IRF7: variants seen among roughly 807,000 people sequenced by gnomAD.
IRF7 encodes the protein interferon regulatory factor-7H.
A neutral mutation model predicts 51.3 loss-of-function variants in IRF7; 67 were observed. The observed-to-expected ratio is 1.31, with a 90% CI of 1.07 to 1.60. The LOEUF (loss-of-function observed/expected upper bound fraction) is 1.60, where lower values mean the gene tolerates loss of function less well. IRF7 is among the 40% of genes most tolerant of loss of function. The pLI is 0.00. For missense variants in IRF7, 873 were observed against 701.5 expected, an observed-to-expected ratio of 1.24 and a Z score of -2.76; for synonymous variants, 427 against 301.3, an observed-to-expected ratio of 1.42 and a Z score of -4.32.
rs770183976 is a variant in IRF7 at position 614,267 on chromosome 11, GATGGT to G, written c.581_585del (p.Asp194AlafsTer206). On this transcript the variant is annotated frameshift_variant, in exon 6 of 11. Coordinates refer to ENST00000525445, the MANE Select transcript of IRF7 (RefSeq NM_001572.5). LOFTEE classifies it high-confidence loss of function. ...TCTGCCCCCCATGACGCTGTCAGCA[GATGGT>G]CTGCCAGGCAGCTCTGTTGCACTGC... is the stretch of plus-strand genomic sequence containing the variant. 3.7e-6 allele frequency: 6 copies of G among 1,612,540 alleles called. No homozygotes were observed. The highest frequency in any genetic ancestry group is 5.1e-6 in the Non-Finnish European group (6 of 1,179,800).
Position 613,992 on chromosome 11 carries a change from G to A in IRF7, c.725C>T (p.Thr242Met), listed in dbSNP as rs775381446. The A allele has an allele frequency of 6.2e-6, 10 of 1,608,422 alleles. No homozygotes were observed. The Admixed American group carries it at 6.8e-5, about 11-fold the overall frequency. The change falls in exon 7 of 11, where the codon ACG (threonine) becomes ATG (methionine). Residue 242 changes from threonine to methionine, a missense_variant. Coordinates refer to ENST00000525445, the MANE Select transcript of IRF7 (RefSeq NM_001572.5). Reference protein sequence around the residue: ...AGELYGWAVETTPSPGPQPAA... With the variant: ...AGELYGWAVEMTPSPGPQPAA... Reference sequence around the variant, plus strand: ...GGGCTGGGGCCCGGGGCTGGGGGTCGTCTCTACTGCCCACCCGTACAGCTC... The same window carrying A: ...GGGCTGGGGCCCGGGGCTGGGGGTCATCTCTACTGCCCACCCGTACAGCTC...
rs1425489891 is a variant in IRF7, at chr11:613,186, C to T, written c.1237+20G>A. The T allele has an allele frequency of 1.3e-6, 2 of 1,593,136 alleles. No individual in the cohort carries two copies. Among genetic ancestry groups the T allele is most frequent in the South Asian group, 2.2e-5 (2 of 89,670 alleles). On this transcript the variant is annotated intron_variant, in intron 9 of 10. Transcript: ENST00000525445. Reference sequence around the variant, plus strand: ...CCAAGGACCCCTGGAGACAGCCCCCCAGGCAAGGGCCTCACTGACCTTGGA... The same window carrying T: ...CCAAGGACCCCTGGAGACAGCCCCCTAGGCAAGGGCCTCACTGACCTTGGA...
chr11:614,371 T>A lies in IRF7; in HGVS notation c.482A>T (p.His161Leu). 3 of 1,608,656 alleles carry A rather than the reference T, an allele frequency of 1.9e-6. No homozygotes were observed. Among genetic ancestry groups the A allele is most frequent in the Non-Finnish European group, 1.7e-6 (2 of 1,178,372 alleles). The change falls in exon 6 of 11, where the codon CAC (histidine) becomes CTC (leucine). Residue 161 changes from histidine (H) to leucine (L), a missense_variant. By Grantham distance (99) the His-to-Leu change is moderately conservative (BLOSUM62 -3). Transcript: ENST00000525445. ...TGGGGCTTGGAGTCCAGCATGTGTG[T>A]GTGCCAGGAATGGCCCTGGGGGCCC... Reference protein sequence around the residue: ...QGGPPGPFLAHTHAGLQAPGP... With the variant: ...QGGPPGPFLALTHAGLQAPGP...
intron 8 of IRF7, 68 bp downstream of exon 8, chr11:613,697 ACAGGATGTGAGTGATGGGTG>A: frequency 5.3e-6 from 3 of 565,046 alleles, no homozygotes; most frequent in Non-Finnish European, 7.1e-6. Context: ...GTGGGCGGGG[ACAGGATGTGAGTGATGGGTG>A]GGCGGGGACA....
rs774085368 is a variant in IRF7 at position 615,499 on chromosome 11, TGAGGGCTTGTAG to T, written c.-147_-136del. 5.9e-3 allele frequency: 6,126 copies of T among 1,030,584 alleles called. 45 individuals carry two copies. The highest frequency in any genetic ancestry group is 0.018 in the Middle Eastern group (61 of 3,424). 63.8% of individuals were successfully genotyped at this position (1,030,584 alleles called of 1,614,324 possible). A position where few individuals can be genotyped will look rare whatever the true frequency, so the allele number is the denominator to read the frequency against. ...GTCACAGGTGTCCACAGGTGTGGACTGAGGGCTTGTAGCCACCGACGCTGCCTCGGTATGGAT... is the reference window on the plus strand; with the variant it reads ...GTCACAGGTGTCCACAGGTGTGGACTCCACCGACGCTGCCTCGGTATGGAT... On this transcript the variant is annotated 5_prime_UTR_variant, in exon 2 of 11. Transcript: ENST00000525445.
Position 612,758 on chromosome 11 carries a change from G to A in IRF7, c.1399C>T (p.Arg467Cys), listed in dbSNP as rs1437685846. The change falls in exon 11 of 11, where the codon CGT becomes TGT. Residue 467 changes from arginine to cysteine, a missense_variant. By Grantham distance (180) the Arg-to-Cys change is radical. Transcript: ENST00000525445. ...LCRVHLEGTQ[R>C]EGVSSLDSSS... The stretch of plus-strand genomic sequence containing the variant: ...CTATCCAGGGAAGACACACCCTCAC[G>A]CTGCGTGCCCTCTAGGTGCACTCGG... 7 of 1,612,028 alleles carry A rather than the reference G, an allele frequency of 4.3e-6. No individual in the cohort carries two copies. Among genetic ancestry groups the A allele is most frequent in the African/African-American group, 1.3e-5 (1 of 74,910 alleles).
rs1245462194 is a variant in IRF7 at position 613,326 on chromosome 11, T to C, written c.1117A>G (p.Lys373Glu). 1 of 1,611,642 alleles carries C rather than the reference T, an allele frequency of 6.2e-7. No homozygotes were observed. Among genetic ancestry groups the C allele is most frequent in the Non-Finnish European group, 8.5e-7 (1 of 1,179,598 alleles). Residue 373 changes from lysine to glutamate, a missense_variant, in exon 9 of 11, where the codon AAG becomes GAG. Transcript: ENST00000525445. ...CCCACCTCCCAGTACACCTTGCACTTGCCCATGCGCCGGGCCCACAGCTGT... is the reference window on the plus strand; with the variant it reads ...CCCACCTCCCAGTACACCTTGCACTCGCCCATGCGCCGGGCCCACAGCTGT... Reference protein sequence around the residue: ...GPQLWARRMGKCKVYWEVGGP... With the variant: ...GPQLWARRMGECKVYWEVGGP...
rs777045773 is a variant in IRF7, at chr11:614,940, T to G, written c.251A>C (p.Glu84Ala). Residue 84 changes from glutamate to alanine, a missense_variant, in exon 4 of 11, where the codon GAG (glutamate) becomes GCG (alanine). Transcript: ENST00000525445. ...TTTCCAGCCGGCGCGCTCCGCAGTC[T>G]CAGCCTCGGGGGGCGGGCCACCTCC... ...SRGGGPPPEA[E>A]TAERAGWKTN... 5.3e-5 allele frequency: 84 copies of G among 1,576,410 alleles called. No homozygotes were observed. Among genetic ancestry groups the G allele is most frequent in the African/African-American group, 1.3e-5 (1 of 74,122 alleles).
rs549942229 is a variant in IRF7 at position 613,270 on chromosome 11, G to C, written c.1173C>G (p.Thr391=). The C allele has an allele frequency of 3.7e-6, 6 of 1,604,784 alleles. No individual in the cohort carries two copies. Among genetic ancestry groups the C allele is most frequent in the Non-Finnish European group, 5.1e-6 (6 of 1,176,302 alleles). ...AGTTCCGAGGCAGCAGGCAGGCTGG[G>C]GTGGAGGGGCTGGCGGAGCCTGGGG... is the stretch of plus-strand genomic sequence containing the variant. ...GGPPGSASPS[T]PACLLPRNCD... Residue 391 remains threonine (T), a synonymous_variant, in exon 9 of 11, where the codon ACC becomes ACG. Coordinates refer to ENST00000525445, the MANE Select transcript of IRF7 (RefSeq NM_001572.5).
chr11:613,170 C>T (rs1203252698), intron 9 of IRF7, 36 bp downstream of exon 9: 2 of 1,597,856 alleles, frequency 1.3e-6, no homozygotes, highest in Non-Finnish European at 1.7e-6. Flanking sequence ...CCCAAGGACC[C>T]CTGGAGACAG....
At position 614,938 on chromosome 11, in the gene IRF7, T is replaced by C; in HGVS notation, c.253A>G (p.Thr85Ala). Reference protein sequence around the residue: ...RGGGPPPEAETAERAGWKTNF... With the variant: ...RGGGPPPEAEAAERAGWKTNF... ...GTTTTCCAGCCGGCGCGCTCCGCAG[T>C]CTCAGCCTCGGGGGGCGGGCCACCT... The change falls in exon 4 of 11, where the codon ACT becomes GCT. Residue 85 changes from threonine to alanine, a missense_variant. Thr to Ala is a moderately conservative substitution (Grantham distance 58, BLOSUM62 0). Transcript: ENST00000525445. The C allele has an allele frequency of 6.3e-7, 1 of 1,577,880 alleles. No individual in the cohort carries two copies. Among genetic ancestry groups the C allele is most frequent in the Non-Finnish European group, 8.6e-7 (1 of 1,164,394 alleles).
At chr11:613,730 C>CCG in intron 8 of IRF7, 55 bp downstream of exon 8, 1 of 1,143,816 alleles carries the variant, frequency 8.7e-7, no homozygotes, top group Non-Finnish European at 1.1e-6. Flanking sequence ...CGGGGACAAG[C>CCG]CGTGAGTGAC....
rs1856490340 is a variant in IRF7, at chr11:612,593, C to A, written c.*52G>T. 31 of 1,599,152 alleles carry A rather than the reference C, an allele frequency of 1.9e-5. No homozygotes were observed. Among genetic ancestry groups the A allele is most frequent in the Non-Finnish European group, 2.6e-5 (30 of 1,172,166 alleles). On this transcript the variant is annotated 3_prime_UTR_variant, in exon 11 of 11. Transcript: ENST00000525445. The stretch of plus-strand genomic sequence containing the variant: ...TTTTTATTAGACTGGGCGGCCGCGG[C>A]CAGCTCTAGGTGGGCTGCTCCAGCT...
intron 4 of IRF7, 70 bp downstream of exon 4, chr11:614,727 G>C: frequency 1.4e-6 from 2 of 1,472,930 alleles, no homozygotes; most frequent in Non-Finnish European, 1.8e-6. Flanking sequence ...CCACAAATCT[G>C]ACCCAGAGAA....
intron 3 of IRF7, 42 bp from the exon 4 acceptor site, chr11:615,049 C>T (rs753652989): frequency 1.9e-6 from 3 of 1,555,826 alleles, no homozygotes; most frequent in Non-Finnish European, 2.6e-6. Flanking sequence ...CCCGCGGGGT[C>T]CTAGGCGGGC....
At position 613,872 on chromosome 11, in the gene IRF7, C is replaced by T; in HGVS notation, c.767-7G>A. 1 of 1,598,950 alleles carries T rather than the reference C, an allele frequency of 6.3e-7. No individual in the cohort carries two copies. The highest frequency in any genetic ancestry group is 8.5e-7 in the Non-Finnish European group (1 of 1,173,932). On this transcript the variant is annotated splice_region_variant and splice_polypyrimidine_tract_variant and intron_variant, in intron 7 of 10. Transcript: ENST00000525445. ...TCTGGGGCCGCGGCCTCGCCTGCAT[C>T]CGGAAGGGAATCCTGTGCTGGCACC...
At chr11:615,304 C>T in intron 2 of IRF7, 41 bp downstream of exon 2, 1 of 1,570,988 alleles carries the variant, frequency 6.4e-7, no homozygotes, top group South Asian at 1.1e-5. Flanking sequence ...CTGCAGGGCG[C>T]TCGGGGACTG....
At position 614,341 on chromosome 11, in the gene IRF7, G is replaced by C; in HGVS notation, c.512C>G (p.Pro171Arg). 1.9e-6 allele frequency: 3 copies of C among 1,610,772 alleles called. No individual in the cohort carries two copies. Among genetic ancestry groups the C allele is most frequent in the Admixed American group, 3.3e-5 (2 of 59,812 alleles). The change falls in exon 6 of 11, where the codon CCC becomes CGC. Residue 171 changes from proline to arginine, a missense_variant. Transcript: ENST00000525445. The part of the protein sequence containing the change: ...HTHAGLQAPG[P>R]LPAPAGDKGD... The stretch of plus-strand genomic sequence containing the variant: ...CTTGTCACCAGCTGGGGCAGGGAGG[G>C]GGCCTGGGGCTTGGAGTCCAGCATG...
chr11:615,028 C>T (rs750355681), intron 3 of IRF7, 21 bp from the exon 4 acceptor site: 1 of 1,545,858 alleles, frequency 6.5e-7, no homozygotes. Flanking sequence ...GGACAGAACA[C>T]GTGTGCCGGG....
Sources: gnomAD v4.1 joint callset for allele counts on GRCh38, gnomAD v4.1.1 for gene constraint, MANE v1.5 for transcripts, NCBI Gene and HGNC (gene_info 2026-07-23, HGNC 2026-07-21) for gene names.